The following MACROD2 variants were observed in gnomAD, a reference collection of about 807,000 sequenced individuals.
MACROD2 encodes ADP-ribose glycohydrolase MACROD2.
In MACROD2, 36 loss-of-function variants were observed where a neutral mutation model predicts 70.4. The ratio of observed to expected loss-of-function variants is 0.51; its 90% confidence interval spans 0.39 to 0.68. The LOEUF (loss-of-function observed/expected upper bound fraction) is 0.68. Ranked by LOEUF, MACROD2 falls within the 30% of genes least tolerant of loss-of-function variation. MACROD2 has a pLI of 0.00. For synonymous variants in MACROD2, 172 were observed against 178.8 expected (o/e 0.96, Z 0.30); for missense variants, 496 against 538.4 (o/e 0.92, Z 0.78).
chr20:15,142,166 G>T (rs897066521), intron 5 of MACROD2, among the ~76,000 whole-genome samples: 1 of 152,120 alleles, frequency 6.6e-6, no homozygotes, highest in Non-Finnish European at 1.5e-5. Flanking sequence ...TATTCTTTGT[G>T]TCTCTCCTAG....
chr20:15,846,611 G>A (rs2064233600), intron 8 of MACROD2, among the ~76,000 whole-genome samples: 1 of 152,024 alleles, frequency 6.6e-6, no homozygotes. Flanking sequence ...AGGAAAAAAC[G>A]GTTTTTCCAC....
chr20:14,596,951 T>C (rs556748798), intron 4 of MACROD2, among the ~76,000 whole-genome samples: 4 of 152,324 alleles, frequency 2.6e-5, no homozygotes, highest in African/African-American at 9.6e-5. Flanking sequence ...ATTATTATGA[T>C]TGGAAATTTG....
chr20:15,804,673 C>T (rs1156758040), intron 8 of MACROD2, among the ~76,000 whole-genome samples: 1 of 152,144 alleles, frequency 6.6e-6, no homozygotes, highest in Non-Finnish European at 1.5e-5. Context: ...ATCTAGGTTT[C>T]AGGCTGTGTC....
intron 8 of MACROD2, among the ~76,000 whole-genome samples, chr20:15,783,328 T>C (rs1218506737): frequency 6.6e-6 from 1 of 152,196 alleles, no homozygotes; most frequent in Admixed American, 6.5e-5. Flanking sequence ...TCCTAGTTGA[T>C]AAATACTTTA....
At chr20:15,667,904 A>G (rs1334668819) in intron 8 of MACROD2, among the ~76,000 whole-genome samples, 2 of 152,156 alleles carry the variant, frequency 1.3e-5, no homozygotes, top group Admixed American at 1.3e-4. Flanking sequence ...CTTGTAAACT[A>G]CAAGTTCCAT....
intron 3 of MACROD2, among the ~76,000 whole-genome samples, chr20:14,261,222 G>A (rs111793455): frequency 2.0e-5 from 3 of 152,118 alleles, no homozygotes; most frequent in South Asian, 2.1e-4. Context: ...CTATTGTCAA[G>A]TAAAATAGAG....
At chr20:14,447,686 G>T (rs2122975402) in intron 3 of MACROD2, among the ~76,000 whole-genome samples, 1 of 152,136 alleles carries the variant, frequency 6.6e-6, no homozygotes, top group Middle Eastern at 3.4e-3. Flanking sequence ...GTAGAGGGCT[G>T]TGTTTGGGCT....
At chr20:15,558,277 A>G (rs977259361) in intron 8 of MACROD2, among the ~76,000 whole-genome samples, 3 of 152,158 alleles carry the variant, frequency 2.0e-5, no homozygotes, top group African/African-American at 7.2e-5. Flanking sequence ...CTTCTTGCCT[A>G]CTGTGCTCTC....
At chr20:15,371,950 GTTAA>G (rs966774006) in intron 6 of MACROD2, among the ~76,000 whole-genome samples, 4 of 152,032 alleles carry the variant, frequency 2.6e-5, no homozygotes, top group African/African-American at 9.7e-5. Flanking sequence ...TACATGTTGT[GTTAA>G]TTGAGTGTTT....
In MACROD2 at chr20:15,976,309, C is replaced by T. The variant is rs535366252; in HGVS notation, c.985+8679C>T. On this transcript the variant is annotated intron_variant, in intron 13 of 17. Coordinates refer to ENST00000684519, the MANE Select transcript of MACROD2 (RefSeq NM_001351661.2). Reference sequence around the variant, plus strand: ...CATGTGATCTATTTCTAAAGAAAAGCGAATGGATTTTTGGATTATCTGTTC... The same window carrying T: ...CATGTGATCTATTTCTAAAGAAAAGTGAATGGATTTTTGGATTATCTGTTC... 2.6e-5 allele frequency among the ~76,000 whole-genome samples: 4 copies of T among 152,270 alleles called. No individual in the cohort carries two copies. The South Asian group carries it at 6.2e-4, about 24-fold the overall frequency.
At chr20:15,114,405 G>T (rs938784724) in intron 5 of MACROD2, among the ~76,000 whole-genome samples, 4 of 152,158 alleles carry the variant, frequency 2.6e-5, no homozygotes, top group Non-Finnish European at 5.9e-5. Flanking sequence ...TGGTCTTGAA[G>T]CTGCCATATT....
intron 8 of MACROD2, among the ~76,000 whole-genome samples, chr20:15,800,277 T>G (rs2063712098): frequency 1.3e-5 from 2 of 152,078 alleles, no homozygotes; most frequent in South Asian, 4.1e-4. Flanking sequence ...GTGCAGAAGC[T>G]TTTTAATTTA....
intron 3 of MACROD2, among the ~76,000 whole-genome samples, chr20:14,350,731 T>C (rs1363087930): frequency 6.6e-6 from 1 of 152,198 alleles, no homozygotes; most frequent in African/African-American, 2.4e-5. Flanking sequence ...GTTGATTGTT[T>C]CCTTTGCTGT....
intron 5 of MACROD2, among the ~76,000 whole-genome samples, chr20:15,090,931 G>A (rs2075788119): frequency 6.6e-6 from 1 of 151,854 alleles, no homozygotes; most frequent in Admixed American, 6.6e-5. Context: ...TCATTACTTG[G>A]CCTAAGGGCT....
intron 6 of MACROD2, among the ~76,000 whole-genome samples, chr20:15,288,716 A>G (rs417015): frequency 0.96 from 145,652 of 152,178 alleles, 70,010 homozygotes; most frequent in African/African-American, 0.99. Flanking sequence ...CCTGATTCTC[A>G]GGCCTTTGGA....
chr20:15,453,592 T>C (rs891599947), intron 7 of MACROD2, among the ~76,000 whole-genome samples: 1 of 152,170 alleles, frequency 6.6e-6, no homozygotes. Context: ...ACAATCTTGA[T>C]AGATCAGTAT....
chr20:15,724,998 C>T (rs2050840256), intron 8 of MACROD2, among the ~76,000 whole-genome samples: 1 of 152,110 alleles, frequency 6.6e-6, no homozygotes, highest in African/African-American at 2.4e-5. Flanking sequence ...AGAAGAATGA[C>T]GTGAATCCGG....
intron 6 of MACROD2, among the ~76,000 whole-genome samples, chr20:15,387,676 A>G (rs969968153): frequency 6.6e-6 from 1 of 151,816 alleles, no homozygotes; most frequent in African/African-American, 2.4e-5. Flanking sequence ...CAGACCTTAC[A>G]GGCAGGGGCA....
intron 15 of MACROD2, among the ~76,000 whole-genome samples, chr20:16,014,164 A>G (rs1249943100): frequency 6.6e-6 from 1 of 152,244 alleles, no homozygotes; most frequent in African/African-American, 2.4e-5. Context: ...GCTTTAAAAT[A>G]TAGGTCTGCC....
Sources: gnomAD v4.1 joint callset for allele counts (sites outside exome capture counted in the v4.1 genomes callset) on GRCh38, gnomAD v4.1.1 for gene constraint, MANE v1.5 for transcripts, NCBI Gene and HGNC (gene_info 2026-07-23, HGNC 2026-07-21) for gene names.